Variants in ZDHHC18 observed in about 807,000 individuals in gnomAD.
ZDHHC18 encodes zDHHC palmitoyltransferase 18, also known as palmitoyltransferase ZDHHC18.
ZDHHC18 carries 23 observed loss-of-function variants against 37.5 expected under a neutral mutation model. The observed-to-expected ratio is 0.61, with a 90% CI of 0.44 to 0.87. The LOEUF is 0.87. Among genes scored for constraint, ZDHHC18 ranks in the 40% least tolerant of loss-of-function variants. The probability of loss-of-function intolerance (pLI) is 0.00; values close to 1 mark genes in which losing one functional copy is unlikely to be tolerated. For missense variants in ZDHHC18, 406 were observed against 525.6 expected (o/e 0.77, Z 2.22); for synonymous variants, 185 against 218.7 (o/e 0.85, Z 1.36).
rs1237928829 is a variant in ZDHHC18, at chr1:26,850,606, G to C, written c.833G>C (p.Ser278Thr). ...TCCACTCTGAAGGAGACACCAGCAA[G>C]ATATCCTTTGTCAGCTAGAGGACAC... is the stretch of plus-strand genomic sequence containing the variant. The part of the protein sequence containing the change: ...FLSTLKETPA[S>T]VLELVICFFS... The change falls in exon 5 of 8, where the codon AGC becomes ACC. Residue 278 changes from serine to threonine, a missense_variant and splice_region_variant. Transcript: ENST00000374142. The surrounding 1 kb of genome is among the most constrained non-coding windows in gnomAD (Gnocchi z 6.1). 1.2e-6 allele frequency: 2 copies of C among 1,614,174 alleles called. No individual in the cohort carries two copies. Among genetic ancestry groups the C allele is most frequent in the South Asian group, 1.1e-5 (1 of 91,086 alleles).
rs568898339 is a variant in ZDHHC18, at chr1:26,833,882, G to A, written c.496+1275G>A. Among the ~76,000 whole-genome samples the A allele has an allele frequency of 5.9e-5, 9 of 152,276 alleles. No homozygotes were observed. In the South Asian group the frequency reaches 1.9e-3, roughly 32 times the overall value. ...TTTCACTAATACTCTGTGCAGCAGG[G>A]AGGGAGGGAGGGCGAGCAGCTGGAG... On this transcript the variant is annotated intron_variant, in intron 2 of 7. Coordinates refer to ENST00000374142, the MANE Select transcript of ZDHHC18 (RefSeq NM_032283.3).
chr1:26,856,984 C>G lies in ZDHHC18; in HGVS notation c.*3141C>G, dbSNP rs1422609876. 6.5e-6 allele frequency: 1 copy of G among 152,780 alleles called. No homozygotes were observed. The highest frequency in any genetic ancestry group is 1.5e-5 in the Non-Finnish European group (1 of 68,462). 9.5% of individuals were successfully genotyped at this position (152,780 alleles called of 1,614,324 possible). ...CTGCCACCATCTGTGCCTACAGGGT[C>G]TGCCCCCCAGCCTGCCCGGCCTGTG... On this transcript the variant is annotated 3_prime_UTR_variant, in exon 8 of 8. Coordinates refer to ENST00000374142, the MANE Select transcript of ZDHHC18 (RefSeq NM_032283.3). The surrounding 1 kb of genome is among the most constrained non-coding windows in gnomAD (Gnocchi z 5.2).
chr1:26,852,797 C>T lies in ZDHHC18; in HGVS notation c.981C>T (p.Val327=), dbSNP rs778986956. ...WSSKRGGEAS[V]NPYSHKSIIT... ...GCAAGAGGGGCGGTGAGGCCTCTGT[C>T]AACCCCTACAGCCATAAAAGTATTA... The change falls in exon 7 of 8, where the codon GTC becomes GTT. Residue 327 remains valine, a synonymous_variant. Coordinates refer to ENST00000374142, the MANE Select transcript of ZDHHC18 (RefSeq NM_032283.3). 15 of 1,614,124 alleles carry T rather than the reference C, an allele frequency of 9.3e-6. No homozygotes were observed. The highest frequency in any genetic ancestry group is 1.3e-5 in the Non-Finnish European group (15 of 1,180,000).
At chr1:26,829,175 T>C (rs1318795955) in intron 1 of ZDHHC18, among the ~76,000 whole-genome samples, 1 of 152,112 alleles carries the variant, frequency 6.6e-6, no homozygotes, top group African/African-American at 2.4e-5. Flanking sequence ...GACTGGATGC[T>C]CCCCATTGCT....
rs2081560538 is a variant in ZDHHC18, at chr1:26,827,002, A to G, written c.198A>G (p.Pro66=). ...GGAGCGGGAGCCTCGGCCGCCGCCC[A>G]CGGCGCAAGTGGGAGGTGTTCCCGG... The part of the protein sequence containing the change: ...GSGSGSLGRR[P]RRKWEVFPGR... Residue 66 remains proline, a synonymous_variant, in exon 1 of 8, where the codon CCA becomes CCG. Transcript: ENST00000374142. 5 of 1,230,860 alleles carry G rather than the reference A, an allele frequency of 4.1e-6. No homozygotes were observed. The highest frequency in any genetic ancestry group is 5.1e-6 in the Non-Finnish European group (5 of 987,342). 76.2% of individuals were successfully genotyped at this position (1,230,860 alleles called of 1,614,324 possible).
intron 1 of ZDHHC18, among the ~76,000 whole-genome samples, chr1:26,829,924 C>T (rs865829110): frequency 6.6e-6 from 1 of 152,154 alleles, no homozygotes; most frequent in Non-Finnish European, 1.5e-5. Context: ...CTTCTCTGTC[C>T]CCCCACACAA....
chr1:26,853,912 A>G lies in ZDHHC18; in HGVS notation c.*69A>G, dbSNP rs978265565. ...GCACTCACCTGCCGGGACCCTCCCTATTCCATCCAAGGGAAGCAGAACTGC... is the reference window on the plus strand; with the variant it reads ...GCACTCACCTGCCGGGACCCTCCCTGTTCCATCCAAGGGAAGCAGAACTGC... On this transcript the variant is annotated 3_prime_UTR_variant, in exon 8 of 8. Coordinates refer to ENST00000374142, the MANE Select transcript of ZDHHC18 (RefSeq NM_032283.3). The G allele has an allele frequency of 2.9e-6, 4 of 1,363,316 alleles. No homozygotes were observed. The highest frequency in any genetic ancestry group is 1.4e-5 in the African/African-American group (1 of 69,802). 84.5% of individuals were successfully genotyped at this position (1,363,316 alleles called of 1,614,324 possible). A position where few individuals can be genotyped will look rare whatever the true frequency, so the allele number is the denominator to read the frequency against.
chr1:26,827,899 C>A (rs1030838015), intron 1 of ZDHHC18, among the ~76,000 whole-genome samples: 15 of 152,176 alleles, frequency 9.9e-5, no homozygotes, highest in Admixed American at 4.6e-4. Flanking sequence ...CCCTGGCCCC[C>A]CTGCTGACCA....
In ZDHHC18 at chr1:26,826,842, C is replaced by T; in HGVS notation, c.38C>T (p.Ala13Val). ...DCEYQQISPGAAPLPASPGAR... is the reference protein window; with the variant it reads ...DCEYQQISPGVAPLPASPGAR... Reference sequence around the variant, plus strand: ...GAGTACCAGCAGATCAGCCCCGGGGCCGCCCCGCTGCCCGCCTCCCCGGGG... The same window carrying T: ...GAGTACCAGCAGATCAGCCCCGGGGTCGCCCCGCTGCCCGCCTCCCCGGGG... The change falls in exon 1 of 8, where the codon GCC becomes GTC. Residue 13 changes from alanine to valine, a missense_variant. Physicochemically the swap from Ala to Val is moderately conservative, Grantham distance 64. Coordinates refer to ENST00000374142, the MANE Select transcript of ZDHHC18 (RefSeq NM_032283.3). The surrounding 1 kb of genome is among the most constrained non-coding windows in gnomAD (Gnocchi z 5.2). 1.0e-6 allele frequency: 1 copy of T among 980,534 alleles called. No individual in the cohort carries two copies. The highest frequency in any genetic ancestry group is 1.2e-6 in the Non-Finnish European group (1 of 828,004). The allele number at this position is 980,534 out of a possible 1,614,324, so 60.7% of individuals were successfully genotyped here.
chr1:26,839,735 C>G (rs752481727), intron 2 of ZDHHC18, among the ~76,000 whole-genome samples: 26 of 152,184 alleles, frequency 1.7e-4, no homozygotes, highest in Non-Finnish European at 2.6e-4. Context: ...AGACTTGAGT[C>G]TTTTGGTCAG....
chr1:26,833,052 A>G (rs2081595224), intron 2 of ZDHHC18, among the ~76,000 whole-genome samples: 1 of 152,230 alleles, frequency 6.6e-6, no homozygotes, highest in Non-Finnish European at 1.5e-5. Flanking sequence ...AAACATTCAT[A>G]TACACTTATT....
At chr1:26,836,220 G>A (rs1394259221) in intron 2 of ZDHHC18, among the ~76,000 whole-genome samples, 6 of 152,102 alleles carry the variant, frequency 3.9e-5, no homozygotes, top group Admixed American at 1.3e-4. Flanking sequence ...TTCACATGAC[G>A]GACACAGAGG....
Position 26,856,015 on chromosome 1 carries a change from C to T in ZDHHC18, c.*2172C>T. 4 of 335,158 alleles carry T rather than the reference C, an allele frequency of 1.2e-5. No homozygotes were observed. The highest frequency in any genetic ancestry group is 8.5e-5 in the South Asian group (4 of 46,904). The allele number at this position is 335,158 out of a possible 1,614,324, so 20.8% of individuals were successfully genotyped here. A position where few individuals can be genotyped will look rare whatever the true frequency, so the allele number is the denominator to read the frequency against. On this transcript the variant is annotated 3_prime_UTR_variant, in exon 8 of 8. Transcript: ENST00000374142. The surrounding 1 kb of genome is among the most constrained non-coding windows in gnomAD (Gnocchi z 5.2). ...TTGGAGACCCCCAAATTCTTCTTCC[C>T]TACTGCCTTTCCACTCCGATCCCCA... is the stretch of plus-strand genomic sequence containing the variant.
chr1:26,851,306 C>A, intron 6 of ZDHHC18, 75 bp downstream of exon 6: 2 of 1,365,584 alleles, frequency 1.5e-6, no homozygotes, highest in South Asian at 1.2e-5. Context: ...GAGCCTGGGG[C>A]AGCCAAGCAC....
intron 7 of ZDHHC18, 106 bp downstream of exon 7, chr1:26,852,971 G>A (rs1017664177): frequency 4.8e-5 from 43 of 893,242 alleles, no homozygotes; most frequent in Non-Finnish European, 6.5e-5. Context: ...GATGCCCTCC[G>A]TCCACTACCC....
At chr1:26,833,512 G>A (rs764173276) in intron 2 of ZDHHC18, among the ~76,000 whole-genome samples, 17 of 152,290 alleles carry the variant, frequency 1.1e-4, no homozygotes, top group African/African-American at 4.1e-4. Context: ...TAAGGCCAAA[G>A]CCCAGAGTGG....
intron 1 of ZDHHC18, among the ~76,000 whole-genome samples, chr1:26,829,850 C>T (rs1362292676): frequency 1.3e-5 from 2 of 152,218 alleles, no homozygotes; most frequent in Non-Finnish European, 2.9e-5. Flanking sequence ...CTGTTAGCCT[C>T]TGGCAAATCA....
intron 1 of ZDHHC18, among the ~76,000 whole-genome samples, chr1:26,828,546 T>C (rs879623054): frequency 9.2e-5 from 14 of 152,074 alleles, no homozygotes; most frequent in Admixed American, 9.2e-4. Flanking sequence ...CCCAAGGGCA[T>C]GTGGCCATGG....
At position 26,826,792 on chromosome 1, in the gene ZDHHC18, C is replaced by G. The variant is rs1330274005; in HGVS notation, c.-13C>G. 3.1e-6 allele frequency: 3 copies of G among 980,010 alleles called. No individual in the cohort carries two copies. The African/African-American group carries it at 5.3e-5, about 17-fold the overall frequency. 60.7% of individuals were successfully genotyped at this position (980,010 alleles called of 1,614,324 possible). ...GCCCGCGGGGCGCGGAGCCGAGGCC[C>G]GCGGCTGGCTGCATGAAGGACTGCG... On this transcript the variant is annotated 5_prime_UTR_variant, in exon 1 of 8. Coordinates refer to ENST00000374142, the MANE Select transcript of ZDHHC18 (RefSeq NM_032283.3). This position sits in a 1 kb window ranked among gnomAD's most constrained non-coding sequence, Gnocchi z 5.2.
Sources: allele counts gnomAD v4.1 joint callset (sites outside exome capture counted in the v4.1 genomes callset), GRCh38; gene constraint gnomAD v4.1.1; non-coding constraint Gnocchi (gnomAD v3.1); transcripts MANE v1.5; gene names NCBI Gene and HGNC (gene_info 2026-07-23, HGNC 2026-07-21).